BORCS5: variants seen among roughly 807,000 people sequenced by gnomAD.
BORCS5 encodes the protein BLOC-1-related complex subunit 5.
BORCS5 carries 17 observed loss-of-function variants against 22.1 expected under a neutral mutation model. The ratio of observed to expected loss-of-function variants is 0.77; its 90% CI spans 0.53 to 1.15. The LOEUF is 1.15. Ranked by LOEUF, BORCS5 falls within the 50% of genes most tolerant of loss-of-function variation. The probability of loss-of-function intolerance (pLI) is 0.00; values close to 1 mark genes in which losing one functional copy is unlikely to be tolerated. For missense variants in BORCS5, 247 were observed against 253.2 expected (o/e 0.98, Z 0.17); for synonymous variants, 117 against 99.8 (o/e 1.17, Z -1.03).
At chr12:12,435,387 C>A (rs1942532975) in intron 2 of BORCS5, among the ~76,000 whole-genome samples, 1 of 152,138 alleles carries the variant, frequency 6.6e-6, no homozygotes, top group Non-Finnish European at 1.5e-5. Context: ...GCTAATAATA[C>A]CTCACTTTCC....
chr12:12,426,496 G>T (rs1344232855), intron 2 of BORCS5, among the ~76,000 whole-genome samples: 1 of 152,184 alleles, frequency 6.6e-6, no homozygotes, highest in Non-Finnish European at 1.5e-5. Context: ...TCTACTTTTG[G>T]GTGTGACATC....
At chr12:12,442,623 G>C (rs763963850) in intron 3 of BORCS5, among the ~76,000 whole-genome samples, 4 of 152,130 alleles carry the variant, frequency 2.6e-5, no homozygotes, top group Non-Finnish European at 5.9e-5. Flanking sequence ...CCCTTTCATT[G>C]TGCAAATAAA....
chr12:12,372,021 G>A (rs932428039), intron 2 of BORCS5, among the ~76,000 whole-genome samples: 1 of 151,956 alleles, frequency 6.6e-6, no homozygotes, highest in Non-Finnish European at 1.5e-5. Flanking sequence ...CTTTTTGAAC[G>A]TATGAGTACT....
chr12:12,447,678 G>C (rs1942817581), intron 3 of BORCS5, among the ~76,000 whole-genome samples: 1 of 152,230 alleles, frequency 6.6e-6, no homozygotes, highest in African/African-American at 2.4e-5. Context: ...CCACTGCTAA[G>C]CTCTGTTCTC....
At chr12:12,404,021 T>C (rs1381669156) in intron 2 of BORCS5, among the ~76,000 whole-genome samples, 1 of 152,222 alleles carries the variant, frequency 6.6e-6, no homozygotes, top group Non-Finnish European at 1.5e-5. Context: ...AGGCAAGTGA[T>C]TTATAGATAA....
chr12:12,441,236 A>G (rs576073979), intron 3 of BORCS5, among the ~76,000 whole-genome samples: 3 of 152,318 alleles, frequency 2.0e-5, no homozygotes, highest in East Asian at 1.9e-4. Context: ...AATGAGTGCC[A>G]TTAGGCATTG....
chr12:12,414,308 G>T (rs1203677129), intron 2 of BORCS5, among the ~76,000 whole-genome samples: 1 of 71,478 alleles, frequency 1.4e-5, no homozygotes, highest in African/African-American at 7.1e-5. Flanking sequence ...CTCACCTCCC[G>T]GACGGGGCGG....
chr12:12,433,408 G>A (rs1020569660), intron 2 of BORCS5, among the ~76,000 whole-genome samples: 1 of 151,712 alleles, frequency 6.6e-6, no homozygotes, highest in Non-Finnish European at 1.5e-5. Flanking sequence ...GGAAGCCAAG[G>A]TGGGAGGATC....
chr12:12,448,314 C>T (rs2136142277), intron 3 of BORCS5, among the ~76,000 whole-genome samples: 1 of 152,266 alleles, frequency 6.6e-6, no homozygotes, highest in Non-Finnish European at 1.5e-5. Flanking sequence ...CTCCCGGGTT[C>T]AACGGATTCT....
chr12:12,430,832 ACT>A (rs1415454167), intron 2 of BORCS5, among the ~76,000 whole-genome samples: 1 of 151,954 alleles, frequency 6.6e-6, no homozygotes, highest in Admixed American at 6.5e-5. Flanking sequence ...ATGATAGCAC[ACT>A]CTATGCATCT....
chr12:12,361,077 A>T, intron 1 of BORCS5, 129 bp from the exon 2 acceptor site: 9 of 877,796 alleles, frequency 1.0e-5, no homozygotes, highest in Non-Finnish European at 1.6e-5. Context: ...CATCCCTGCC[A>T]CCCCAACCCC....
chr12:12,436,446 AG>A (rs1346279873), intron 3 of BORCS5, among the ~76,000 whole-genome samples: 1 of 152,272 alleles, frequency 6.6e-6, no homozygotes, highest in African/African-American at 2.4e-5. Context: ...GCTGCTGCAC[AG>A]CACAGTTCTA....
intron 2 of BORCS5, among the ~76,000 whole-genome samples, chr12:12,419,755 T>C (rs1476090024): frequency 6.6e-6 from 1 of 152,242 alleles, no homozygotes; most frequent in Non-Finnish European, 1.5e-5. Flanking sequence ...CATGAGATGG[T>C]ATCTCATTGT....
chr12:12,425,099 C>T (rs1942246904), intron 2 of BORCS5, among the ~76,000 whole-genome samples: 1 of 152,118 alleles, frequency 6.6e-6, no homozygotes, highest in South Asian at 2.1e-4. Context: ...GGACAGGGTC[C>T]TTTTCTCCCC....
At chr12:12,405,267 C>T (rs1941570637) in intron 2 of BORCS5, among the ~76,000 whole-genome samples, 1 of 152,166 alleles carries the variant, frequency 6.6e-6, no homozygotes, top group Admixed American at 6.5e-5. Context: ...CAAAAACTGT[C>T]TTAAGCCTGA....
chr12:12,453,281 G>T (rs1291705517), intron 3 of BORCS5, among the ~76,000 whole-genome samples: 1 of 152,158 alleles, frequency 6.6e-6, no homozygotes, highest in African/African-American at 2.4e-5. Flanking sequence ...AGGCTTAAAG[G>T]TTCAAGGAAA....
chr12:12,390,067 G>T (rs962740256), intron 2 of BORCS5, among the ~76,000 whole-genome samples: 1 of 152,020 alleles, frequency 6.6e-6, no homozygotes, highest in South Asian at 2.1e-4. Flanking sequence ...CTGATAAAAA[G>T]CCATCTTTTC....
chr12:12,381,535 G>A (rs551789399), intron 2 of BORCS5, among the ~76,000 whole-genome samples: 1 of 151,442 alleles, frequency 6.6e-6, no homozygotes, highest in Non-Finnish European at 1.5e-5. Flanking sequence ...TGGACTCTTA[G>A]GTCTGTTCCA....
At chr12:12,405,296 T>C (rs1189950211) in intron 2 of BORCS5, among the ~76,000 whole-genome samples, 1 of 152,212 alleles carries the variant, frequency 6.6e-6, no homozygotes, top group Non-Finnish European at 1.5e-5. Context: ...GAAAATGATA[T>C]TTTAAATGAA....
Sources: allele counts gnomAD v4.1 joint callset (sites outside exome capture counted in the v4.1 genomes callset), GRCh38; gene constraint gnomAD v4.1.1; transcripts MANE v1.5; gene names NCBI Gene and HGNC (gene_info 2026-07-23, HGNC 2026-07-21).